UNC13C: variants seen among roughly 807,000 people sequenced by gnomAD.
UNC13C encodes the protein protein unc-13 homolog C.
In UNC13C, 174 loss-of-function variants were observed where a neutral mutation model predicts 245.4. The observed-to-expected ratio is 0.71, with a 90% CI of 0.63 to 0.80. UNC13C has a LOEUF of 0.80. Among genes scored for constraint, UNC13C ranks in the 30% least tolerant of loss-of-function variants. The pLI is 0.00. For synonymous variants in UNC13C, 992 were observed against 895.1 expected (o/e 1.11, Z -1.93); for missense variants, 2,829 against 2,602.9 (o/e 1.09, Z -1.89).
intron 4 of UNC13C, among the ~76,000 whole-genome samples, chr15:54,196,848 C>T (rs2034368906): frequency 6.6e-6 from 1 of 151,874 alleles, no homozygotes; most frequent in Non-Finnish European, 1.5e-5. Flanking sequence ...ATAATAAAAA[C>T]CTAAAGGAAC....
intron 2 of UNC13C, among the ~76,000 whole-genome samples, chr15:54,092,383 A>G (rs1261736430): frequency 5.3e-5 from 8 of 152,234 alleles, no homozygotes; most frequent in Non-Finnish European, 1.0e-4. Flanking sequence ...ATTTAAAAAA[A>G]TCATAACCAT....
intron 19 of UNC13C, among the ~76,000 whole-genome samples, chr15:54,453,508 C>A (rs1307516296): frequency 6.6e-6 from 1 of 152,218 alleles, no homozygotes; most frequent in Non-Finnish European, 1.5e-5. Flanking sequence ...TTTTTAACTA[C>A]ACCCTATATT....
intron 8 of UNC13C, among the ~76,000 whole-genome samples, chr15:54,256,787 A>G (rs955280680): frequency 1.3e-5 from 2 of 152,240 alleles, no homozygotes; most frequent in Admixed American, 6.5e-5. Context: ...GAGAACAATT[A>G]TACTTCCTAA....
At chr15:53,897,669 T>C in the UNC13C span, among the ~76,000 whole-genome samples, 1 of 152,236 alleles carries the variant, frequency 6.6e-6, no homozygotes. Context: ...ATTCAGGCCT[T>C]ACCCAATGCC....
At chr15:53,939,028 A>G in the UNC13C span, among the ~76,000 whole-genome samples, 1 of 152,266 alleles carries the variant, frequency 6.6e-6, no homozygotes, top group East Asian at 1.9e-4. Context: ...AGAGCCAAGA[A>G]AAACTCTTAA....
In UNC13C at chr15:54,089,664, T is replaced by A. The variant is rs868162715; in HGVS notation, c.2984-53354T>A. 1.3e-3 allele frequency among the ~76,000 whole-genome samples: 183 copies of A among 137,190 alleles called. 8 individuals carry two copies. In the South Asian group the frequency reaches 0.04, roughly 30 times the overall value. 90.0% of individuals were successfully genotyped at this position (137,190 alleles called of 152,430 possible). ...TATGGTTATTGCTTCCAATATCTTT[T>A]TTTTTTTTTTTTTCCCACAACATGC... is the stretch of plus-strand genomic sequence containing the variant. On this transcript the variant is annotated intron_variant, in intron 2 of 32. Coordinates refer to ENST00000260323, the MANE Select transcript of UNC13C (RefSeq NM_001080534.3).
chr15:54,148,979 A>C (rs2032399775), intron 4 of UNC13C, among the ~76,000 whole-genome samples: 2 of 152,066 alleles, frequency 1.3e-5, no homozygotes, highest in African/African-American at 4.8e-5. Context: ...TGTAATCCCC[A>C]TGTGTCAAGG....
chr15:54,277,208 C>G (rs2036856035), intron 10 of UNC13C, among the ~76,000 whole-genome samples: 1 of 152,050 alleles, frequency 6.6e-6, no homozygotes, highest in African/African-American at 2.4e-5. Context: ...TTAAGAATGC[C>G]TTTAGTCTTC....
rs930369951 is a variant in UNC13C at position 54,432,630 on chromosome 15, G to A, written c.4933+17563G>A. Among the ~76,000 whole-genome samples the A allele has an allele frequency of 7.9e-5, 12 of 151,896 alleles. No homozygotes were observed. In the East Asian group the frequency reaches 2.3e-3, roughly 29 times the overall value. ...AAGAGGGAAATTTATAGCACTAAAT[G>A]CCCACATCAGAAAGTGGGAAAGATC... is the stretch of plus-strand genomic sequence containing the variant. On this transcript the variant is annotated intron_variant, in intron 19 of 32. Transcript: ENST00000260323.
At chr15:53,980,721 G>A (rs1019644009) in intron 1 of UNC13C, among the ~76,000 whole-genome samples, 1 of 152,174 alleles carries the variant, frequency 6.6e-6, no homozygotes, top group African/African-American at 2.4e-5. Flanking sequence ...ACTCCTTCCA[G>A]AGATCATCAT....
rs755446636 is a variant in UNC13C at position 54,567,791 on chromosome 15, T to C, written c.5959-9T>C. ...CTAAATGCCTCGGCTTATTTTTTTTTCTTTGTAGCAATACTTTCATGCAGG... is the reference window on the plus strand; with the variant it reads ...CTAAATGCCTCGGCTTATTTTTTTTCCTTTGTAGCAATACTTTCATGCAGG... On this transcript the variant is annotated splice_polypyrimidine_tract_variant and intron_variant, in intron 29 of 32. Coordinates refer to ENST00000260323, the MANE Select transcript of UNC13C (RefSeq NM_001080534.3). 16 of 1,577,404 alleles carry C rather than the reference T, an allele frequency of 1.0e-5. No homozygotes were observed. Among genetic ancestry groups the C allele is most frequent in the Non-Finnish European group, 1.3e-5 (15 of 1,162,594 alleles).
intron 19 of UNC13C, among the ~76,000 whole-genome samples, chr15:54,419,664 T>C (rs2040597050): frequency 6.6e-6 from 1 of 152,128 alleles, no homozygotes; most frequent in Non-Finnish European, 1.5e-5. Flanking sequence ...TCTAGTTTTA[T>C]CTCATATAAT....
intron 1 of UNC13C, among the ~76,000 whole-genome samples, chr15:53,994,531 C>G (rs1894530823): frequency 6.6e-6 from 1 of 151,912 alleles, no homozygotes; most frequent in Admixed American, 6.6e-5. Context: ...CACACTAGAT[C>G]AAATACTCTA....
intron 19 of UNC13C, among the ~76,000 whole-genome samples, chr15:54,426,504 A>G (rs912291359): frequency 5.3e-5 from 8 of 149,980 alleles, no homozygotes; most frequent in Admixed American, 2.7e-4. Context: ...ACAAAAAAAA[A>G]TAAAAGTTGT....
At chr15:54,366,843 A>G (rs2039376247) in intron 17 of UNC13C, among the ~76,000 whole-genome samples, 1 of 152,138 alleles carries the variant, frequency 6.6e-6, no homozygotes, top group Non-Finnish European at 1.5e-5. Flanking sequence ...ACTCTTGACT[A>G]TATGCATGGA....
intron 2 of UNC13C, among the ~76,000 whole-genome samples, chr15:54,042,696 G>T (rs1896858125): frequency 6.6e-6 from 1 of 151,932 alleles, no homozygotes; most frequent in African/African-American, 2.4e-5. Flanking sequence ...TACTAAAAAT[G>T]CAAGAAATTA....
At chr15:54,600,881 C>A (rs1899375840) in intron 30 of UNC13C, among the ~76,000 whole-genome samples, 1 of 151,968 alleles carries the variant, frequency 6.6e-6, no homozygotes, top group African/African-American at 2.4e-5. Context: ...AATCTATAGT[C>A]TAATGCATGG....
intron 2 of UNC13C, among the ~76,000 whole-genome samples, chr15:54,042,649 C>T (rs939749973): frequency 1.3e-5 from 2 of 152,006 alleles, no homozygotes; most frequent in Non-Finnish European, 2.9e-5. Context: ...GTCAGGAGAT[C>T]GAGACCATCC....
At chr15:54,361,941 C>A (rs980365357) in intron 17 of UNC13C, among the ~76,000 whole-genome samples, 1 of 152,154 alleles carries the variant, frequency 6.6e-6, no homozygotes, top group African/African-American at 2.4e-5. Context: ...TTAAGTGGCA[C>A]CAAAACCTAA....
Sources: allele counts gnomAD v4.1 joint callset (sites outside exome capture counted in the v4.1 genomes callset), GRCh38; gene constraint gnomAD v4.1.1; transcripts MANE v1.5; gene names NCBI Gene and HGNC (gene_info 2026-07-23, HGNC 2026-07-21).